NIPAL3: variants seen among roughly 807,000 people sequenced by gnomAD.
NIPAL3 encodes NIPA-like protein 3.
A neutral mutation model predicts 47.2 loss-of-function variants in NIPAL3; 41 were observed. That is an observed-to-expected ratio of 0.87 (90% CI 0.68 to 1.13). NIPAL3 has a LOEUF of 1.13. Ranked by LOEUF, NIPAL3 falls within the 50% of genes most tolerant of loss-of-function variation. NIPAL3 has a pLI of 0.00. For synonymous variants in NIPAL3, 194 were observed against 209.6 expected (o/e 0.93, Z 0.64); for missense variants, 449 against 530.1 (o/e 0.85, Z 1.50).
intron 2 of NIPAL3, chr1:24,433,097 C>T (rs923836827): frequency 2.0e-5 from 3 of 152,232 alleles, no homozygotes; most frequent in Non-Finnish European, 4.4e-5. Flanking sequence ...TTGTTTCATT[C>T]TTGCAGCTGC....
At chr1:24,463,175 G>A (rs1440476925) in intron 10 of NIPAL3, among the ~76,000 whole-genome samples, 1 of 151,874 alleles carries the variant, frequency 6.6e-6, no homozygotes, top group East Asian at 1.9e-4. Flanking sequence ...GCAACAGAGC[G>A]AGACTCCATC....
intron 2 of NIPAL3, among the ~76,000 whole-genome samples, chr1:24,439,206 T>C (rs551124068): frequency 1.3e-5 from 2 of 152,054 alleles, no homozygotes; most frequent in South Asian, 4.2e-4. Flanking sequence ...AAATGAAAAA[T>C]TAATAATAAA....
At chr1:24,448,413 G>A (rs1032114282) in intron 5 of NIPAL3, among the ~76,000 whole-genome samples, 17 of 152,262 alleles carry the variant, frequency 1.1e-4, no homozygotes, top group East Asian at 3.9e-4. Context: ...GGTCTGTGGC[G>A]TAGAATATTG....
chr1:24,458,667 G>A (rs972871891), intron 8 of NIPAL3, among the ~76,000 whole-genome samples: 1 of 152,120 alleles, frequency 6.6e-6, no homozygotes, highest in Non-Finnish European at 1.5e-5. Flanking sequence ...GGGAAATGGG[G>A]ATGGGCCTTA....
In NIPAL3 at chr1:24,456,274, G is replaced by A. The variant is rs1400215149; in HGVS notation, c.773+1G>A. 5.6e-6 allele frequency: 9 copies of A among 1,614,082 alleles called. No homozygotes were observed. Among genetic ancestry groups the A allele is most frequent in the Non-Finnish European group, 7.6e-6 (9 of 1,180,040 alleles). On this transcript the variant is annotated splice_donor_variant, in intron 8 of 11. Coordinates refer to ENST00000374399, the MANE Select transcript of NIPAL3 (RefSeq NM_020448.5). LOFTEE classifies it high-confidence loss of function. ...TGGCAACCGCCGTCTATCAGGCTGC[G>A]TGAGTTACAAATCCTTTTCCTGCTG...
rs1645845019 is a variant in NIPAL3 at position 24,449,702 on chromosome 1, C to T, written c.540+76C>T. 6.7e-7 allele frequency: 1 copy of T among 1,487,110 alleles called. No individual in the cohort carries two copies. Among genetic ancestry groups the T allele is most frequent in the Non-Finnish European group, 9.1e-7 (1 of 1,098,944 alleles). 92.1% of individuals were successfully genotyped at this position (1,487,110 alleles called of 1,614,324 possible). On this transcript the variant is annotated intron_variant, in intron 6 of 11. Transcript: ENST00000374399. This position sits in a 1 kb window ranked among gnomAD's most constrained non-coding sequence, Gnocchi z 4.5. The stretch of plus-strand genomic sequence containing the variant: ...GTCCTAGAAACCAGAAACGTGAATA[C>T]CCAGCAATAGGGGATTCCGTGAGTT...
At chr1:24,420,579 G>A (rs930821754) in intron 2 of NIPAL3, among the ~76,000 whole-genome samples, 32 of 152,082 alleles carry the variant, frequency 2.1e-4, no homozygotes, top group Admixed American at 7.2e-4. Flanking sequence ...ATTTTCATTC[G>A]GATTTCAGTA....
intron 5 of NIPAL3, among the ~76,000 whole-genome samples, chr1:24,448,197 G>A (rs1176331998): frequency 6.6e-6 from 1 of 152,176 alleles, no homozygotes. Context: ...GATGAAATAG[G>A]CAAAGTTAGT....
rs985150409 is a variant in NIPAL3 at position 24,454,248 on chromosome 1, G to A, written c.637+744G>A. 1.1e-5 allele frequency: 13 copies of A among 1,172,308 alleles called. No homozygotes were observed. In the African/African-American group the frequency reaches 2.1e-4, roughly 19 times the overall value. The allele number at this position is 1,172,308 out of a possible 1,614,324, so 72.6% of individuals were successfully genotyped here. A position where few individuals can be genotyped will look rare whatever the true frequency, so the allele number is the denominator to read the frequency against. On this transcript the variant is annotated intron_variant, in intron 7 of 11. Coordinates refer to ENST00000374399, the MANE Select transcript of NIPAL3 (RefSeq NM_020448.5). The surrounding 1 kb of genome is among the most constrained non-coding windows in gnomAD (Gnocchi z 4.1). ...GCTGTGGGGAATCCATCCTTCCTGA[G>A]GAGAAGCAGACAGAGGCGGAGGAGC...
chr1:24,453,295 C>T (rs1646029123), intron 6 of NIPAL3, 113 bp from the exon 7 acceptor site: 2 of 687,126 alleles, frequency 2.9e-6, no homozygotes, highest in African/African-American at 1.8e-5. Context: ...AATCATAGCT[C>T]AGTCATTCCC....
Position 24,472,048 on chromosome 1 carries a change from G to A in NIPAL3, c.*2863G>A, listed in dbSNP as rs1452845995. On this transcript the variant is annotated 3_prime_UTR_variant, in exon 12 of 12. Transcript: ENST00000374399. ...TTTTGGTATGGGCCTTTTAGGCTTG[G>A]GCCAGCCAGCTTTCTTGAGATGAGT... 6.7e-6 allele frequency: 1 copy of A among 149,074 alleles called. No individual in the cohort carries two copies. The highest frequency in any genetic ancestry group is 2.5e-5 in the African/African-American group (1 of 40,494). The allele number at this position is 149,074 out of a possible 1,614,324, so 9.2% of individuals were successfully genotyped here. A position where few individuals can be genotyped will look rare whatever the true frequency, so the allele number is the denominator to read the frequency against.
Position 24,471,692 on chromosome 1 carries a change from C to T in NIPAL3, c.*2507C>T, listed in dbSNP as rs1439968545. The T allele has an allele frequency of 6.6e-6, 1 of 151,678 alleles. No homozygotes were observed. Among genetic ancestry groups the T allele is most frequent in the Non-Finnish European group, 1.5e-5 (1 of 68,118 alleles). 9.4% of individuals were successfully genotyped at this position (151,678 alleles called of 1,614,324 possible). On this transcript the variant is annotated 3_prime_UTR_variant, in exon 12 of 12. Transcript: ENST00000374399. ...GAGGACGTGGGAGCCACTGATGGTT[C>T]ATGAGGAAGAGAAGGGCAGGACCAG...
chr1:24,467,882 A>T (rs949890275), intron 11 of NIPAL3, among the ~76,000 whole-genome samples: 2 of 152,224 alleles, frequency 1.3e-5, no homozygotes, highest in Non-Finnish European at 2.9e-5. Flanking sequence ...GCTTTAGCCC[A>T]GTGCCCAGGG....
At chr1:24,422,971 G>A (rs1158791968) in intron 2 of NIPAL3, among the ~76,000 whole-genome samples, 2 of 152,258 alleles carry the variant, frequency 1.3e-5, no homozygotes, top group Middle Eastern at 3.4e-3. Flanking sequence ...TGTTACTGAC[G>A]CCCTAATCAA....
chr1:24,432,793 A>G (rs541558601), intron 2 of NIPAL3, among the ~76,000 whole-genome samples: 2 of 152,362 alleles, frequency 1.3e-5, no homozygotes, highest in African/African-American at 4.8e-5. Context: ...TAAGTGCTTG[A>G]TAAATGTTAG....
At chr1:24,426,495 A>C (rs1644598002) in intron 2 of NIPAL3, among the ~76,000 whole-genome samples, 1 of 152,110 alleles carries the variant, frequency 6.6e-6, no homozygotes, top group Non-Finnish European at 1.5e-5. Flanking sequence ...GGGTTTCACC[A>C]TGTTGACCAG....
At chr1:24,436,105 A>G (rs1034509577) in intron 2 of NIPAL3, among the ~76,000 whole-genome samples, 1 of 152,070 alleles carries the variant, frequency 6.6e-6, no homozygotes, top group Non-Finnish European at 1.5e-5. Context: ...ACCACCTCCT[A>G]ATACCATTCC....
In NIPAL3 at chr1:24,472,917, A is replaced by T. The variant is rs1400883785; in HGVS notation, c.*3732A>T. 2 of 152,218 alleles carry T rather than the reference A, an allele frequency of 1.3e-5. No homozygotes were observed. Among genetic ancestry groups the T allele is most frequent in the Non-Finnish European group, 2.9e-5 (2 of 68,036 alleles). The allele number at this position is 152,218 out of a possible 1,614,324, so 9.4% of individuals were successfully genotyped here. A position where few individuals can be genotyped will look rare whatever the true frequency, so the allele number is the denominator to read the frequency against. ...TATGGCATGTCTTATTTAAAAAAAA[A>T]AAAGTACTAGGTGCAAATAACATTA... On this transcript the variant is annotated 3_prime_UTR_variant, in exon 12 of 12. Transcript: ENST00000374399.
At chr1:24,418,005 G>A (rs964216634) in intron 1 of NIPAL3, among the ~76,000 whole-genome samples, 2 of 152,140 alleles carry the variant, frequency 1.3e-5, no homozygotes, top group African/African-American at 4.8e-5. Context: ...CTTAACAGCA[G>A]CTCACATTCA....
Sources: gnomAD v4.1 joint callset for allele counts (sites outside exome capture counted in the v4.1 genomes callset) on GRCh38, gnomAD v4.1.1 for gene constraint, Gnocchi (gnomAD v3.1) non-coding constraint, MANE v1.5 for transcripts, NCBI Gene and HGNC (gene_info 2026-07-23, HGNC 2026-07-21) for gene names.